AMBN: variants seen among roughly 807,000 people sequenced by gnomAD.
The protein encoded by AMBN is ameloblastin, also known as enamel matrix protein.
Under a neutral mutation model 48.0 loss-of-function variants are expected in AMBN, and 54 were observed. That is an observed-to-expected ratio of 1.12 (90% confidence interval 0.90 to 1.41). The LOEUF (loss-of-function observed/expected upper bound fraction) is 1.41, where lower values mean the gene tolerates loss of function less well. Among genes scored for constraint, AMBN ranks in the 40% most tolerant of loss-of-function variants. AMBN has a pLI of 0.00. For synonymous variants in AMBN, 186 were observed against 190.0 expected (o/e 0.98, Z 0.17); for missense variants, 571 against 547.3 (o/e 1.04, Z -0.43).
chr4:70,602,795 T>C lies in AMBN; in HGVS notation c.571-3T>C, dbSNP rs1457959888. 1.3e-6 allele frequency: 2 copies of C among 1,584,636 alleles called. No homozygotes were observed. Among genetic ancestry groups the C allele is most frequent in the Admixed American group, 1.7e-5 (1 of 57,768 alleles). On this transcript the variant is annotated splice_polypyrimidine_tract_variant and splice_region_variant and intron_variant, in intron 7 of 12. Coordinates refer to ENST00000322937, the MANE Select transcript of AMBN (RefSeq NM_016519.6). ...ATAATTTTAATATTTATCTACAATA[T>C]AGCTCCCAGGAATGGATTTTCCTGA...
chr4:70,606,103 G>A, intron 12 of AMBN, 82 bp from the exon 13 acceptor site: 1 of 1,484,922 alleles, frequency 6.7e-7, no homozygotes, highest in African/African-American at 1.4e-5. Flanking sequence ...AGAGATCCTT[G>A]GTGAATGTGA....
rs1737559438 is a variant in AMBN, at chr4:70,602,998, A to C, written c.636A>C (p.Pro212=). 1 of 1,606,192 alleles carries C rather than the reference A, an allele frequency of 6.2e-7. No homozygotes were observed. Among genetic ancestry groups the C allele is most frequent in the Admixed American group, 1.7e-5 (1 of 59,394 alleles). Residue 212 remains proline (P), a synonymous_variant, in exon 9 of 13, where the codon CCA becomes CCC. Coordinates refer to ENST00000322937, the MANE Select transcript of AMBN (RefSeq NM_016519.6). ...TCCCAGGATTGGATTTTGCTGATCC[A>C]CAAGGTTCAACAGTAAGTACAGATC... is the stretch of plus-strand genomic sequence containing the variant. The part of the protein sequence containing the change: ...PSLPGLDFAD[P]QGSTIFQIAR...
chr4:70,597,956 C>CTTAT, intron 3 of AMBN, among the ~76,000 whole-genome samples: 1 of 151,482 alleles, frequency 6.6e-6, no homozygotes, highest in South Asian at 2.1e-4. Context: ...ATTTGTTTGT[C>CTTAT]TTGTTTGTTT....
rs868823128 is a variant in AMBN at position 70,603,005 on chromosome 4, T to C, written c.643T>C (p.Ser215Pro). The C allele has an allele frequency of 6.2e-7, 1 of 1,606,066 alleles. No individual in the cohort carries two copies. Among genetic ancestry groups the C allele is most frequent in the East Asian group, 2.2e-5 (1 of 44,720 alleles). ...PGLDFADPQG[S>P]TIFQIARLIS... Reference sequence around the variant, plus strand: ...ATTGGATTTTGCTGATCCACAAGGTTCAACAGTAAGTACAGATCTCAATGA... The same window carrying C: ...ATTGGATTTTGCTGATCCACAAGGTCCAACAGTAAGTACAGATCTCAATGA... The change falls in exon 9 of 13, where the codon TCA (serine) becomes CCA (proline). Residue 215 changes from serine to proline, a missense_variant. Physicochemically the swap from Ser to Pro is moderately conservative, Grantham distance 74. Coordinates refer to ENST00000322937, the MANE Select transcript of AMBN (RefSeq NM_016519.6).
chr4:70,602,142 A>T (rs1324597550), intron 6 of AMBN, among the ~76,000 whole-genome samples: 1 of 152,222 alleles, frequency 6.6e-6, no homozygotes, highest in Non-Finnish European at 1.5e-5. Context: ...GGTACCAAGT[A>T]ACCAGTATGT....
At chr4:70,592,737 G>GT (rs1187150053) in intron 1 of AMBN, among the ~76,000 whole-genome samples, 14 of 152,012 alleles carry the variant, frequency 9.2e-5, no homozygotes, top group African/African-American at 3.4e-4. Context: ...GAAGAGGAAA[G>GT]CTAAATTTGA....
intron 2 of AMBN, among the ~76,000 whole-genome samples, chr4:70,594,770 T>C (rs555956094): frequency 2.0e-4 from 31 of 152,302 alleles, no homozygotes; most frequent in African/African-American, 7.5e-4. Flanking sequence ...GTCTAACACA[T>C]TGGCATTCTT....
At position 70,606,843 on chromosome 4, in the gene AMBN, C is replaced by G; in HGVS notation, c.*113C>G. On this transcript the variant is annotated 3_prime_UTR_variant, in exon 13 of 13. Transcript: ENST00000322937. ...CCTTCTGCAGCAAAGGCATTAAAAG[C>G]GCTAAGCATATATTAATAAATGCAA... 8.4e-7 allele frequency: 1 copy of G among 1,188,510 alleles called. No individual in the cohort carries two copies. The highest frequency in any genetic ancestry group is 1.6e-5 in the African/African-American group (1 of 62,962). The allele number at this position is 1,188,510 out of a possible 1,614,324, so 73.6% of individuals were successfully genotyped here. A position where few individuals can be genotyped will look rare whatever the true frequency, so the allele number is the denominator to read the frequency against.
intron 3 of AMBN, among the ~76,000 whole-genome samples, chr4:70,598,115 TA>T (rs1385101394): frequency 1.3e-5 from 2 of 152,222 alleles, no homozygotes; most frequent in Non-Finnish European, 2.9e-5. Context: ...TCCACTTAAA[TA>T]ATACTTTTTC....
chr4:70,602,548 T>C, intron 6 of AMBN, 76 bp from the exon 7 acceptor site: 1 of 1,112,658 alleles, frequency 9.0e-7, no homozygotes, highest in Non-Finnish European at 1.3e-6. Context: ...CTTTGTCTAT[T>C]TTTTTATTTT....
At chr4:70,600,861 T>C (rs1029098870) in intron 5 of AMBN, among the ~76,000 whole-genome samples, 2 of 152,194 alleles carry the variant, frequency 1.3e-5, no homozygotes, top group Non-Finnish European at 2.9e-5. Flanking sequence ...GGTGACTGTT[T>C]CTTAACTTAA....
At chr4:70,603,217 T>C in intron 9 of AMBN, 43 bp from the exon 10 acceptor site, 1 of 1,573,652 alleles carries the variant, frequency 6.4e-7, no homozygotes, top group Non-Finnish European at 8.7e-7. Context: ...GTTATGGGGA[T>C]GTGCCTGTGA....
chr4:70,605,099 TAAC>T (rs1386301389), intron 12 of AMBN, among the ~76,000 whole-genome samples: 1 of 151,478 alleles, frequency 6.6e-6, no homozygotes, highest in Non-Finnish European at 1.5e-5. Context: ...CTAAAAGTAA[TAAC>T]AATTTTATTA....
In AMBN at chr4:70,602,673, A is replaced by T. The variant is rs1737547418; in HGVS notation, c.570+11A>T. On this transcript the variant is annotated intron_variant, in intron 7 of 12. Transcript: ENST00000322937. ...CCACAAGGTCCATCAGTAAGTACAG[A>T]TCTCAATGAGACACTTTCTGTATTT... is the stretch of plus-strand genomic sequence containing the variant. 6.4e-7 allele frequency: 1 copy of T among 1,569,194 alleles called. No individual in the cohort carries two copies.
chr4:70,598,379 G>A lies in AMBN; in HGVS notation c.159G>A (p.Leu53=). The change falls in exon 4 of 13, where the codon CTG becomes CTA. Residue 53 remains leucine (L), a synonymous_variant. Transcript: ENST00000322937. ...SLETMRQLGS[L]QRLNTLSQYS... is the part of the protein sequence containing the mutation. ...AGACAATGAGACAGTTGGGAAGTCT[G>A]CAGAGATTAAACACACTTTCTCAGG... 1 of 1,587,500 alleles carries A rather than the reference G, an allele frequency of 6.3e-7. No homozygotes were observed. Among genetic ancestry groups the A allele is most frequent in the Non-Finnish European group, 8.6e-7 (1 of 1,166,618 alleles).
intron 6 of AMBN, chr4:70,601,952 A>C (rs1737530761): frequency 1.9e-6 from 1 of 520,044 alleles, no homozygotes; most frequent in Non-Finnish European, 3.7e-6. Flanking sequence ...ACCCCAGAGA[A>C]GTCCAGGTTT....
chr4:70,592,390 T>C lies in AMBN; in HGVS notation c.15+17T>C. The C allele has an allele frequency of 6.2e-7, 1 of 1,613,916 alleles. No homozygotes were observed. The highest frequency in any genetic ancestry group is 1.1e-5 in the South Asian group (1 of 91,080). On this transcript the variant is annotated intron_variant, in intron 1 of 12. Transcript: ENST00000322937. ...GCATCTAAGGTAAAATGGGATTTTA[T>C]GATTTCCATGTGTTTCCTGTAAATT... is the stretch of plus-strand genomic sequence containing the variant.
At position 70,599,650 on chromosome 4, in the gene AMBN, A is replaced by G. The variant is rs773146871; in HGVS notation, c.294+4A>G. The G allele has an allele frequency of 3.8e-6, 6 of 1,589,922 alleles. No homozygotes were observed. In the East Asian group the frequency reaches 6.7e-5, roughly 18 times the overall value. Reference sequence around the variant, plus strand: ...AAGAGAACATGAAACTCAACAGGTGAGTGAATAGCATCAATATGTTTGAAA... The same window carrying G: ...AAGAGAACATGAAACTCAACAGGTGGGTGAATAGCATCAATATGTTTGAAA... On this transcript the variant is annotated splice_donor_region_variant and intron_variant, in intron 5 of 12. Transcript: ENST00000322937.
intron 5 of AMBN, 82 bp from the exon 6 acceptor site, chr4:70,601,336 C>T: frequency 7.0e-7 from 1 of 1,420,520 alleles, no homozygotes; most frequent in Non-Finnish European, 9.8e-7. Context: ...GAAAGCGCCC[C>T]AAGCCCCTTT....
Sources: gnomAD v4.1 joint callset for allele counts (sites outside exome capture counted in the v4.1 genomes callset) on GRCh38, gnomAD v4.1.1 for gene constraint, MANE v1.5 for transcripts, NCBI Gene and HGNC (gene_info 2026-07-23, HGNC 2026-07-21) for gene names.